Variants in SNAPC4 observed in about 807,000 individuals in gnomAD.
SNAPC4 encodes small nuclear RNA activating complex polypeptide 4.
Under a neutral mutation model 151.3 loss-of-function variants are expected in SNAPC4, and 127 were observed. The observed-to-expected ratio is 0.84, with a 90% CI of 0.73 to 0.97. The LOEUF (loss-of-function observed/expected upper bound fraction) is 0.97. Among genes scored for constraint, SNAPC4 ranks in the 50% least tolerant of loss-of-function variants. The pLI is 0.00. For synonymous variants in SNAPC4, 1,002 were observed against 824.4 expected (o/e 1.22, Z -3.69); for missense variants, 2,186 against 1,935.0 (o/e 1.13, Z -2.43).
Position 136,392,056 on chromosome 9 carries a change from C to G in SNAPC4, c.861G>C (p.Ser287=). ...CCTGCTTGTTGATGCTGGGGTGCTC[C>G]GAGTTCTGCCAGAACTTCCGGATCT... is the stretch of plus-strand genomic sequence containing the variant. ...AEEIRKFWQN[S]EHPSINKQEW... The change falls in exon 10 of 24, where the codon TCG becomes TCC. Residue 287 remains serine, a synonymous_variant. Coordinates refer to ENST00000684778, the MANE Select transcript of SNAPC4 (RefSeq NM_003086.4). 6.2e-7 allele frequency: 1 copy of G among 1,612,582 alleles called. No homozygotes were observed. The highest frequency in any genetic ancestry group is 1.1e-5 in the South Asian group (1 of 91,066).
chr9:136,393,736 T>C (rs1412598594), intron 7 of SNAPC4, among the ~76,000 whole-genome samples: 1 of 152,208 alleles, frequency 6.6e-6, no homozygotes, highest in Non-Finnish European at 1.5e-5. Flanking sequence ...GGACTGATCC[T>C]GCGCTTAGCC....
At chr9:136,390,328 G>A (rs550159074) in intron 10 of SNAPC4, among the ~76,000 whole-genome samples, 68 of 152,218 alleles carry the variant, frequency 4.5e-4, no homozygotes, top group African/African-American at 1.4e-3. Flanking sequence ...GGCTGAGGCC[G>A]GCAGATCACA....
chr9:136,396,562 A>G (rs1834281374), intron 3 of SNAPC4, among the ~76,000 whole-genome samples: 1 of 152,190 alleles, frequency 6.6e-6, no homozygotes. Flanking sequence ...GTCCACAGCC[A>G]CGTGCCACTG....
chr9:136,392,977 G>C (rs12347633), intron 7 of SNAPC4, among the ~76,000 whole-genome samples, 200 bp from the exon 8 acceptor site: 1 of 152,216 alleles, frequency 6.6e-6, no homozygotes, highest in African/African-American at 2.4e-5. Context: ...AAGGGCTGCA[G>C]TGTCTGCTGA....
chr9:136,377,984 GGCC>G lies in SNAPC4; in HGVS notation c.3840_3842del (p.Ala1281del). 6.2e-7 allele frequency: 1 copy of G among 1,603,448 alleles called. No homozygotes were observed. Among genetic ancestry groups the G allele is most frequent in the Non-Finnish European group, 8.5e-7 (1 of 1,175,594 alleles). On this transcript the variant is annotated inframe_deletion, in exon 22 of 24. Coordinates refer to ENST00000684778, the MANE Select transcript of SNAPC4 (RefSeq NM_003086.4). Reference sequence around the variant, plus strand: ...GCTGGCCCCCCAGCCACTGCTGTGTGGCCGCCTCGCCCTCCTGGGACAGCAGGC... The same window carrying G: ...GCTGGCCCCCCAGCCACTGCTGTGTGGCCTCGCCCTCCTGGGACAGCAGGC...
Position 136,379,876 on chromosome 9 carries a change from AGAGAG to A in SNAPC4, c.2500-17_2500-13del, listed in dbSNP as rs1833625286. Reference sequence around the variant, plus strand: ...GCACTTGAGGATGCCTGGAAATGAAAGAGAGGAGAGTCAGCAGCTCAGGTGTCCTC... The same window carrying A: ...GCACTTGAGGATGCCTGGAAATGAAAGAGAGTCAGCAGCTCAGGTGTCCTC... On this transcript the variant is annotated splice_polypyrimidine_tract_variant and intron_variant, in intron 20 of 23. Coordinates refer to ENST00000684778, the MANE Select transcript of SNAPC4 (RefSeq NM_003086.4). The A allele has an allele frequency of 1.9e-6, 3 of 1,612,036 alleles. No homozygotes were observed. The highest frequency in any genetic ancestry group is 2.5e-6 in the Non-Finnish European group (3 of 1,179,186).
In SNAPC4 at chr9:136,377,582, G is replaced by A. The variant is rs145266725; in HGVS notation, c.4245C>T (p.Asp1415=). ...TGGCTGTCGTGCAGCCCGGCTGCCCGTCCCTGTCTGCAAGTTCCAGCTCAC... is the reference window on the plus strand; with the variant it reads ...TGGCTGTCGTGCAGCCCGGCTGCCCATCCCTGTCTGCAAGTTCCAGCTCAC... The part of the protein sequence containing the change: ...LLSELELADR[D]GQPGCTTATC... The change falls in exon 22 of 24, where the codon GAC becomes GAT. Residue 1415 remains aspartate, a synonymous_variant. Coordinates refer to ENST00000684778, the MANE Select transcript of SNAPC4 (RefSeq NM_003086.4). The A allele has an allele frequency of 9.3e-5, 142 of 1,525,668 alleles. No homozygotes were observed. The highest frequency in any genetic ancestry group is 6.4e-5 in the South Asian group (5 of 78,556). 94.5% of individuals were successfully genotyped at this position (1,525,668 alleles called of 1,614,324 possible).
chr9:136,376,126 G>C (rs1405313080), intron 23 of SNAPC4, among the ~76,000 whole-genome samples: 1 of 152,212 alleles, frequency 6.6e-6, no homozygotes, highest in East Asian at 1.9e-4. Context: ...CTATGGTCAG[G>C]GGCACAGTGG....
intron 21 of SNAPC4, 77 bp from the exon 22 acceptor site, chr9:136,379,376 A>G: frequency 6.3e-7 from 1 of 1,583,450 alleles, no homozygotes; most frequent in South Asian, 1.1e-5. Context: ...CCATCCCCTC[A>G]TCAGGAGGGA....
Position 136,394,229 on chromosome 9 carries a change from A to C in SNAPC4, c.632+20T>G, listed in dbSNP as rs911000133. ...ATGCCCAGCCTGAAGACCGTTTTTG[A>C]CTTATGGTTTTAGACTTACTTCAGT... On this transcript the variant is annotated intron_variant, in intron 7 of 23. Coordinates refer to ENST00000684778, the MANE Select transcript of SNAPC4 (RefSeq NM_003086.4). 3.9e-6 allele frequency: 6 copies of C among 1,546,448 alleles called. No homozygotes were observed. The highest frequency in any genetic ancestry group is 1.7e-5 in the Admixed American group (1 of 58,874).
In SNAPC4 at chr9:136,378,451, T is replaced by C. The variant is rs892613397; in HGVS notation, c.3376A>G (p.Arg1126Gly). ...LTETRAAQGP[R>G]APALSSSWQP... is the part of the protein sequence containing the mutation. ...CAAGAGCTGCTCAACGCTGGGGCCCTGGGGCCCTGGGCCGCCCGAGTCTCA... is the reference window on the plus strand; with the variant it reads ...CAAGAGCTGCTCAACGCTGGGGCCCCGGGGCCCTGGGCCGCCCGAGTCTCA... Residue 1126 changes from arginine (R) to glycine (G), a missense_variant, in exon 22 of 24, where the codon AGG becomes GGG. Transcript: ENST00000684778. The C allele has an allele frequency of 1.3e-6, 2 of 1,589,244 alleles. No homozygotes were observed. The highest frequency in any genetic ancestry group is 1.1e-5 in the South Asian group (1 of 89,802).
chr9:136,386,902 C>A (rs536850330), intron 13 of SNAPC4, among the ~76,000 whole-genome samples: 2 of 152,138 alleles, frequency 1.3e-5, no homozygotes, highest in South Asian at 2.1e-4. Context: ...ACAGGCGCCA[C>A]CCCCACCATG....
chr9:136,376,147 C>T (rs922987576), intron 23 of SNAPC4, among the ~76,000 whole-genome samples: 27 of 152,220 alleles, frequency 1.8e-4, no homozygotes, highest in African/African-American at 6.3e-4. Context: ...TGCCAAGGCC[C>T]GAGGCATGGG....
intron 1 of SNAPC4, among the ~76,000 whole-genome samples, chr9:136,399,059 G>GT (rs1834365602): frequency 6.6e-6 from 1 of 152,252 alleles, no homozygotes; most frequent in Non-Finnish European, 1.5e-5. Context: ...TGTTTGTCAA[G>GT]CTTTTTTCTT....
rs1264167468 is a variant in SNAPC4, at chr9:136,377,704, G to C, written c.4123C>G (p.Pro1375Ala). 6.2e-7 allele frequency: 1 copy of C among 1,609,152 alleles called. No homozygotes were observed. Among genetic ancestry groups the C allele is most frequent in the Admixed American group, 1.7e-5 (1 of 59,854 alleles). Residue 1375 changes from proline to alanine, a missense_variant, in exon 22 of 24, where the codon CCT becomes GCT. Pro to Ala is a conservative substitution (Grantham distance 27). Transcript: ENST00000684778. ...RARFLAAFTL[P>A]ALLATLAPQG... ...GGGGCCAGGGTGGCCAGGAGCGCAG[G>C]GAGGGTGAAGGCTGCCAGGAACCGC... is the stretch of plus-strand genomic sequence containing the variant.
chr9:136,388,422 C>T lies in SNAPC4; in HGVS notation c.1123+22G>A, dbSNP rs377308467. On this transcript the variant is annotated intron_variant, in intron 11 of 23. Transcript: ENST00000684778. The stretch of plus-strand genomic sequence containing the variant: ...TGGGGCCCTGTGACAGCCTGAGAGC[C>T]GTCGGGGTGGAGGGGCCTCACTTCT... The T allele has an allele frequency of 1.0e-4, 162 of 1,607,468 alleles. 1 individual carries two copies. Among genetic ancestry groups the T allele is most frequent in the East Asian group, 6.3e-4 (28 of 44,744 alleles).
In SNAPC4 at chr9:136,392,656, C is replaced by G. The variant is rs1411961272; in HGVS notation, c.737+17G>C. The G allele has an allele frequency of 6.2e-7, 1 of 1,613,116 alleles. No individual in the cohort carries two copies. Among genetic ancestry groups the G allele is most frequent in the Non-Finnish European group, 8.5e-7 (1 of 1,179,410 alleles). On this transcript the variant is annotated intron_variant, in intron 8 of 23. Transcript: ENST00000684778. ...GCTTGTGGGCTCCCCTGGGCCCTCC[C>G]GGGAGGCCCCCCTCACTTGATGTCC...
intron 22 of SNAPC4, 29 bp downstream of exon 22, chr9:136,377,514 G>GTTC (rs771068936): frequency 1.3e-6 from 2 of 1,499,880 alleles, no homozygotes; most frequent in Admixed American, 4.6e-5. Flanking sequence ...CGCCTGCCAT[G>GTTC]GGGAAGTGGG....
intron 5 of SNAPC4, 116 bp from the exon 6 acceptor site, chr9:136,394,994 G>A (rs542085835): frequency 1.1e-4 from 106 of 946,752 alleles, no homozygotes; most frequent in Admixed American, 2.0e-4. Flanking sequence ...CTGTTCTCCC[G>A]TACTGTGAGG....
Sources: gnomAD v4.1 joint callset for allele counts (sites outside exome capture counted in the v4.1 genomes callset) on GRCh38, gnomAD v4.1.1 for gene constraint, MANE v1.5 for transcripts, NCBI Gene and HGNC (gene_info 2026-07-23, HGNC 2026-07-21) for gene names.